The following RASGRP3 variants were observed in gnomAD, a reference collection of about 807,000 sequenced individuals.
The protein encoded by RASGRP3 is ras guanyl-releasing protein 3.
Under a neutral mutation model 82.7 loss-of-function variants are expected in RASGRP3, and 54 were observed. The observed-to-expected ratio is 0.65, with a 90% CI of 0.52 to 0.82. The LOEUF is 0.82. Ranked by LOEUF, RASGRP3 falls within the 40% of genes least tolerant of loss-of-function variation. The pLI, the probability that RASGRP3 is intolerant of heterozygous loss-of-function variation, is 0.00. For missense variants in RASGRP3, 861 were observed against 828.9 expected, an observed-to-expected ratio of 1.04 and a Z score of -0.48; for synonymous variants, 309 against 300.5, an observed-to-expected ratio of 1.03 and a Z score of -0.29.
intron 1 of RASGRP3, among the ~76,000 whole-genome samples, chr2:33,476,957 G>A (rs1484646784): frequency 6.6e-6 from 1 of 152,010 alleles, no homozygotes; most frequent in Non-Finnish European, 1.5e-5. Context: ...AGGATGAATG[G>A]GGCATATGGC....
chr2:33,520,694 G>C lies in RASGRP3; in HGVS notation c.368+10G>C, dbSNP rs1671943807. The C allele has an allele frequency of 1.9e-6, 3 of 1,613,474 alleles. No homozygotes were observed. The Admixed American group carries it at 5.0e-5, about 27-fold the overall frequency. ...TCGACATATCCAGCATGTAAGAGTG[G>C]CACCGACGTCTTTCACACCCAATAA... On this transcript the variant is annotated intron_variant, in intron 6 of 17. Coordinates refer to ENST00000403687, the MANE Select transcript of RASGRP3 (RefSeq NM_001139488.2).
upstream of RASGRP3, among the ~76,000 whole-genome samples, chr2:33,475,574 A>C (rs981552585): frequency 6.6e-6 from 1 of 152,148 alleles, no homozygotes; most frequent in Non-Finnish European, 1.5e-5. Context: ...CCTCTATGTC[A>C]TATCTCTACC....
intron 1 of RASGRP3, among the ~76,000 whole-genome samples, chr2:33,508,340 G>A (rs1670598093): frequency 6.6e-6 from 1 of 152,170 alleles, no homozygotes; most frequent in Admixed American, 6.5e-5. Context: ...GCATCTTTAA[G>A]TGCTAAGAAT....
chr2:33,439,472 T>C (rs1234438839), intron 1 of RASGRP3, among the ~76,000 whole-genome samples: 1 of 152,192 alleles, frequency 6.6e-6, no homozygotes, highest in Non-Finnish European at 1.5e-5. Context: ...GGAATAGGGC[T>C]GTCAGATGAA....
At chr2:33,527,743 T>C (rs1360384234) in intron 10 of RASGRP3, among the ~76,000 whole-genome samples, 1 of 152,210 alleles carries the variant, frequency 6.6e-6, no homozygotes, top group Non-Finnish European at 1.5e-5. Flanking sequence ...CATCCTTCTG[T>C]ATGTCCTCCA....
At chr2:33,530,170 C>A (rs1170334072) in intron 10 of RASGRP3, among the ~76,000 whole-genome samples, 1 of 152,174 alleles carries the variant, frequency 6.6e-6, no homozygotes, top group Non-Finnish European at 1.5e-5. Context: ...CATCCACATG[C>A]CAGCATTGGA....
intron 2 of RASGRP3, among the ~76,000 whole-genome samples, chr2:33,469,620 C>T (rs954496956): frequency 2.0e-5 from 3 of 152,022 alleles, no homozygotes; most frequent in Non-Finnish European, 4.4e-5. Context: ...CCACCATGCC[C>T]AGCTAATTTT....
At chr2:33,483,629 T>C (rs1420287520) in intron 1 of RASGRP3, among the ~76,000 whole-genome samples, 1 of 151,742 alleles carries the variant, frequency 6.6e-6, no homozygotes, top group Non-Finnish European at 1.5e-5. Flanking sequence ...GCTGCGACTA[T>C]AGGCACCTGC....
At chr2:33,487,579 T>C (rs189686148) in intron 1 of RASGRP3, among the ~76,000 whole-genome samples, 118 of 152,338 alleles carry the variant, frequency 7.7e-4, no homozygotes, top group Non-Finnish European at 1.0e-3. Context: ...TTCAGCATTA[T>C]ACAGAGACTA....
intron 13 of RASGRP3, among the ~76,000 whole-genome samples, chr2:33,549,012 A>G (rs1228455162): frequency 6.6e-6 from 1 of 152,150 alleles, no homozygotes; most frequent in Non-Finnish European, 1.5e-5. Flanking sequence ...TTGATAAACA[A>G]GAAGTCAGCG....
At chr2:33,450,274 A>G (rs1363214166) in intron 2 of RASGRP3, among the ~76,000 whole-genome samples, 1 of 152,092 alleles carries the variant, frequency 6.6e-6, no homozygotes, top group Non-Finnish European at 1.5e-5. Context: ...CCTCTTAGCA[A>G]TTTTCAAGTA....
chr2:33,453,690 C>T (rs2150888096), intron 2 of RASGRP3, among the ~76,000 whole-genome samples: 1 of 152,286 alleles, frequency 6.6e-6, no homozygotes, highest in Admixed American at 6.5e-5. Context: ...AGTCCTGATT[C>T]AGCATGAGCA....
At chr2:33,454,778 A>G (rs1665956540) in intron 2 of RASGRP3, among the ~76,000 whole-genome samples, 1 of 152,230 alleles carries the variant, frequency 6.6e-6, no homozygotes, top group Non-Finnish European at 1.5e-5. Flanking sequence ...ATATTAACTG[A>G]AAAGTTCTCC....
intron 2 of RASGRP3, among the ~76,000 whole-genome samples, chr2:33,452,867 C>T (rs1665871105): frequency 6.6e-6 from 1 of 152,158 alleles, no homozygotes. Context: ...GGGGCTGGCC[C>T]AGCATTAGGG....
chr2:33,511,687 GTTTC>G lies in RASGRP3; in HGVS notation c.-260-17_-260-14del, dbSNP rs1177300512. ...TATCATGATCTAATTCTATATGGGGGTTTCTTTCTGTTCTTTTGTCAGGTTCTCC... is the reference window on the plus strand; with the variant it reads ...TATCATGATCTAATTCTATATGGGGGTTTCTGTTCTTTTGTCAGGTTCTCC... On this transcript the variant is annotated intron_variant, in intron 1 of 17. Transcript: ENST00000403687. The G allele has an allele frequency of 6.6e-6, 1 of 152,544 alleles. No individual in the cohort carries two copies. The highest frequency in any genetic ancestry group is 1.5e-5 in the Non-Finnish European group (1 of 68,016). The allele number at this position is 152,544 out of a possible 1,614,324, so 9.4% of individuals were successfully genotyped here. A position where few individuals can be genotyped will look rare whatever the true frequency, so the allele number is the denominator to read the frequency against.
intron 11 of RASGRP3, among the ~76,000 whole-genome samples, chr2:33,535,914 C>T (rs1353308699): frequency 3.9e-5 from 6 of 152,164 alleles, no homozygotes; most frequent in Non-Finnish European, 2.9e-5. Context: ...ACAGAATTTC[C>T]ACCTCTTGAC....
intron 2 of RASGRP3, among the ~76,000 whole-genome samples, chr2:33,453,269 G>A (rs961989420): frequency 6.6e-6 from 1 of 152,168 alleles, no homozygotes; most frequent in Non-Finnish European, 1.5e-5. Context: ...ATCTACCTTT[G>A]TTTCCTTTTG....
intron 4 of RASGRP3, among the ~76,000 whole-genome samples, chr2:33,518,075 G>A (rs1177668208): frequency 2.0e-5 from 3 of 152,116 alleles, no homozygotes; most frequent in Non-Finnish European, 4.4e-5. Flanking sequence ...AGAAATTAGA[G>A]TACCCATACA....
At chr2:33,475,996 T>G (rs1345445687), upstream of RASGRP3, among the ~76,000 whole-genome samples, 1 of 152,216 alleles carries the variant, frequency 6.6e-6, no homozygotes, top group Non-Finnish European at 1.5e-5. Context: ...CCAAGAGCTC[T>G]TCAGATAAAG....
Sources: allele counts gnomAD v4.1 joint callset (sites outside exome capture counted in the v4.1 genomes callset), GRCh38; gene constraint gnomAD v4.1.1; transcripts MANE v1.5; gene names NCBI Gene and HGNC (gene_info 2026-07-23, HGNC 2026-07-21).